SELENON: variants seen among roughly 807,000 people sequenced by gnomAD.
The protein encoded by SELENON is selenoprotein N, 1.
In SELENON, 44 loss-of-function variants were observed where a neutral mutation model predicts 59.5. The ratio of observed to expected loss-of-function variants is 0.74; its 90% CI spans 0.58 to 0.95. The LOEUF is 0.95. Ranked by LOEUF, SELENON falls within the 40% of genes least tolerant of loss-of-function variation. The pLI is 0.00. For synonymous variants in SELENON, 320 were observed against 305.6 expected (o/e 1.05, Z -0.49); for missense variants, 674 against 721.4 (o/e 0.93, Z 0.75).
At position 25,808,600 on chromosome 1, in the gene SELENON, C is replaced by A; in HGVS notation, c.558C>A (p.Ser186=). ...CCCAGGTCTCCCGCCTCGCCCTGTC[C>A]GGCCTCCGAAACTGGACAGCCGCCG... Residue 186 remains serine (S), a synonymous_variant, in exon 5 of 13, where the codon TCC becomes TCA. Coordinates refer to ENST00000361547, the MANE Select transcript of SELENON (RefSeq NM_020451.3). 6.2e-7 allele frequency: 1 copy of A among 1,613,716 alleles called. No individual in the cohort carries two copies. The highest frequency in any genetic ancestry group is 8.5e-7 in the Non-Finnish European group (1 of 1,179,900).
At position 25,817,237 on chromosome 1, in the gene SELENON, C is replaced by T. The variant is rs892825607; in HGVS notation, c.*1519C>T. On this transcript the variant is annotated 3_prime_UTR_variant, in exon 13 of 13. Transcript: ENST00000361547. ...AATTTTGTTTTGTTTTGTTTTGAGA[C>T]GGAGTCTTGCTCTGTCACCCAGGCT... 1.2e-4 allele frequency: 14 copies of T among 118,172 alleles called. No individual in the cohort carries two copies. Among genetic ancestry groups the T allele is most frequent in the Non-Finnish European group, 2.5e-4 (13 of 52,868 alleles). 7.3% of individuals were successfully genotyped at this position (118,172 alleles called of 1,614,324 possible).
At position 25,808,771 on chromosome 1, in the gene SELENON, G is replaced by A. The variant is rs139020143; in HGVS notation, c.729G>A (p.Pro243=). ...TGTCCAACAACCGCTTCTATCCACCGCCGCCCAAGGGCAAGGAGGTGAGGA... is the reference window on the plus strand; with the variant it reads ...TGTCCAACAACCGCTTCTATCCACCACCGCCCAAGGGCAAGGAGGTGAGGA... Residue 243 remains proline, a synonymous_variant, in exon 5 of 13, where the codon CCG becomes CCA. Coordinates refer to ENST00000361547, the MANE Select transcript of SELENON (RefSeq NM_020451.3). The A allele has an allele frequency of 5.8e-4, 936 of 1,613,778 alleles. 4 individuals carry two copies. The highest frequency in any genetic ancestry group is 3.0e-3 in the African/African-American group (227 of 75,046).
rs2048007193 is a variant in SELENON, at chr1:25,815,902, CCTGGGCTGA to C, written c.*191_*199del. 2 of 615,098 alleles carry C rather than the reference CCTGGGCTGA, an allele frequency of 3.3e-6. No homozygotes were observed. The highest frequency in any genetic ancestry group is 2.8e-5 in the Admixed American group (1 of 35,318). 38.1% of individuals were successfully genotyped at this position (615,098 alleles called of 1,614,324 possible). Reference sequence around the variant, plus strand: ...CATGGTGGCGGGTAGACAAGGGATGCCTGGGCTGACTGGGCAGAGGAACCTCTAGCTCTG... The same window carrying C: ...CATGGTGGCGGGTAGACAAGGGATGCCTGGGCAGAGGAACCTCTAGCTCTG... On this transcript the variant is annotated 3_prime_UTR_variant, in exon 13 of 13. Transcript: ENST00000361547.
chr1:25,815,086 C>T (rs2047998689), intron 12 of SELENON, among the ~76,000 whole-genome samples: 1 of 152,150 alleles, frequency 6.6e-6, no homozygotes, highest in Non-Finnish European at 1.5e-5. Context: ...TGTTCATCTA[C>T]TGGGCACCTA....
chr1:25,812,355 A>C (rs1275944306), intron 9 of SELENON, among the ~76,000 whole-genome samples: 1 of 152,028 alleles, frequency 6.6e-6, no homozygotes, highest in Non-Finnish European at 1.5e-5. Context: ...TCAAAATAAA[A>C]AATAAATGAA....
intron 1 of SELENON, among the ~76,000 whole-genome samples, chr1:25,800,696 C>G (rs1014544860): frequency 6.6e-6 from 1 of 151,776 alleles, no homozygotes; most frequent in Non-Finnish European, 1.5e-5. Context: ...CTGGTTCCCG[C>G]AGAGTCTTAA....
intron 4 of SELENON, among the ~76,000 whole-genome samples, chr1:25,805,984 C>T (rs1339875491): frequency 2.0e-5 from 3 of 152,246 alleles, no homozygotes; most frequent in African/African-American, 7.2e-5. Context: ...CCACACCAGA[C>T]TTCCTTCCTT....
At chr1:25,811,630 G>A (rs906652517) in intron 8 of SELENON, 61 bp from the exon 8 acceptor site, 3 of 1,607,016 alleles carry the variant, frequency 1.9e-6, no homozygotes, top group African/African-American at 1.3e-5. Flanking sequence ...GTCTCTAGGG[G>A]AGCCCCTGAG....
At position 25,811,536 on chromosome 1, in the gene SELENON, G is replaced by A; in HGVS notation, c.1092+1G>A. 3 of 1,614,070 alleles carry A rather than the reference G, an allele frequency of 1.9e-6. No homozygotes were observed. In the South Asian group the frequency reaches 3.3e-5, roughly 18 times the overall value. On this transcript the variant is annotated splice_donor_variant, in intron 8 of 12. Transcript: ENST00000361547. LOFTEE classifies it high-confidence loss of function. ...GGTGGACATCGGCTACATACCCCAG[G>A]TGAGCGCACAGGAGGCTCCCATCCA... is the stretch of plus-strand genomic sequence containing the variant.
At chr1:25,805,397 A>G in intron 4 of SELENON, 122 bp downstream of exon 3, 9 of 1,310,202 alleles carry the variant, frequency 6.9e-6, no homozygotes, top group Non-Finnish European at 8.6e-6. Context: ...CTGGAGGTCC[A>G]TGTGCGGTGA....
rs764879580 is a variant in SELENON, at chr1:25,811,446, C to T, written c.1011-8C>T. The T allele has an allele frequency of 3.1e-6, 5 of 1,612,656 alleles. No homozygotes were observed. In the South Asian group the frequency reaches 5.5e-5, roughly 18 times the overall value. On this transcript the variant is annotated splice_region_variant and splice_polypyrimidine_tract_variant and intron_variant, in intron 7 of 12. Transcript: ENST00000361547. ...GATGATGGTGTCACTCTGCCCTGGC[C>T]ATCCCAGGTCTCTGAATGTGGACAT...
chr1:25,809,199 T>C, intron 6 of SELENON, 49 bp downstream of exon 5: 1 of 1,612,194 alleles, frequency 6.2e-7, no homozygotes, highest in Non-Finnish European at 8.5e-7. Flanking sequence ...GGCATGACGG[T>C]ACAGCGCCCA....
At chr1:25,801,017 C>T (rs2047856333) in intron 1 of SELENON, 26 bp from the exon 2 acceptor site, 1 of 1,596,324 alleles carries the variant, frequency 6.3e-7, no homozygotes, top group Admixed American at 1.7e-5. Flanking sequence ...CAAATGGTGC[C>T]CAGCCCAGTC....
chr1:25,805,750 G>T (rs1195216342), intron 4 of SELENON, among the ~76,000 whole-genome samples: 2 of 152,290 alleles, frequency 1.3e-5, no homozygotes, highest in Middle Eastern at 6.8e-3. Context: ...TGATGATCTA[G>T]ACCTGAGGTT....
Position 25,816,033 on chromosome 1 carries a change from C to A in SELENON, c.*315C>A. On this transcript the variant is annotated 3_prime_UTR_variant, in exon 13 of 13. Coordinates refer to ENST00000361547, the MANE Select transcript of SELENON (RefSeq NM_020451.3). Reference sequence around the variant, plus strand: ...AACTCCCTGGACCTTTCCTAGCCAGCCGCACAGTCTAGGCCCTTGTGGGGT... The same window carrying A: ...AACTCCCTGGACCTTTCCTAGCCAGACGCACAGTCTAGGCCCTTGTGGGGT... 2.5e-6 allele frequency: 1 copy of A among 393,296 alleles called. No individual in the cohort carries two copies. The highest frequency in any genetic ancestry group is 4.8e-6 in the Non-Finnish European group (1 of 208,400). The allele number at this position is 393,296 out of a possible 1,614,324, so 24.4% of individuals were successfully genotyped here.
In SELENON at chr1:25,805,135, C is replaced by T. The variant is rs1004419488; in HGVS notation, c.404-7C>T. 2 of 1,613,180 alleles carry T rather than the reference C, an allele frequency of 1.2e-6. No homozygotes were observed. Among genetic ancestry groups the T allele is most frequent in the Non-Finnish European group, 8.5e-7 (1 of 1,179,998 alleles). Reference sequence around the variant, plus strand: ...GGCAGTGCCTCTCCGATGTCTGTGTCTCATAGGGTCAACTCCCGCGGCCAG... The same window carrying T: ...GGCAGTGCCTCTCCGATGTCTGTGTTTCATAGGGTCAACTCCCGCGGCCAG... On this transcript the variant is annotated splice_polypyrimidine_tract_variant and splice_region_variant and intron_variant, in intron 3 of 12. Transcript: ENST00000361547.
chr1:25,812,480 C>CAT (rs1553120583), intron 9 of SELENON, among the ~76,000 whole-genome samples: 53 of 151,452 alleles, frequency 3.5e-4, no homozygotes, highest in African/African-American at 1.1e-3. Flanking sequence ...CACATACACA[C>CAT]ATATACAAAC....
Position 25,814,106 on chromosome 1 carries a change from G to A in SELENON, c.1530G>A (p.Lys510=), listed in dbSNP as rs1467627455. 6.2e-7 allele frequency: 1 copy of A among 1,614,216 alleles called. No homozygotes were observed. Among genetic ancestry groups the A allele is most frequent in the Admixed American group, 1.7e-5 (1 of 60,030 alleles). ...ACCAGGAGAACTCGTCCCACCAGAA[G>A]CTGGCTGGCCTGCACCTGGAGAAGT... is the stretch of plus-strand genomic sequence containing the variant. The change falls in exon 12 of 13, where the codon AAG becomes AAA. Residue 510 remains lysine, a synonymous_variant. Transcript: ENST00000361547.
chr1:25,807,718 C>A lies in SELENON; in HGVS notation c.538-862C>A, dbSNP rs138913992. Among the ~76,000 whole-genome samples the A allele has an allele frequency of 9.0e-4, 137 of 152,308 alleles. 1 individual carries two copies. Among genetic ancestry groups the A allele is most frequent in the African/African-American group, 3.1e-3 (128 of 41,574 alleles). On this transcript the variant is annotated intron_variant, in intron 4 of 12. Transcript: ENST00000361547. The surrounding 1 kb of genome is among the most constrained non-coding windows in gnomAD (Gnocchi z 4.5). ...ATCTGTCTCTGTGGGAGCTCCCTGC[C>A]TGCTTTCCTCCTACCTCCCACCAAG... is the stretch of plus-strand genomic sequence containing the variant.
Sources: allele counts gnomAD v4.1 joint callset (sites outside exome capture counted in the v4.1 genomes callset), GRCh38; gene constraint gnomAD v4.1.1; non-coding constraint Gnocchi (gnomAD v3.1); transcripts MANE v1.5; gene names NCBI Gene and HGNC (gene_info 2026-07-23, HGNC 2026-07-21).